Variants in AJAP1 observed in about 807,000 individuals in gnomAD.
AJAP1 encodes adherens junction-associated protein 1.
A neutral mutation model predicts 35.0 loss-of-function variants in AJAP1; 5 were observed. The ratio of observed to expected loss-of-function variants is 0.14; its 90% CI spans 0.07 to 0.30. The LOEUF is 0.30. Ranked by LOEUF, AJAP1 falls within the 10% of genes least tolerant of loss-of-function variation. AJAP1 has a pLI of 1.00. For missense variants in AJAP1, 586 were observed against 571.0 expected, an observed-to-expected ratio of 1.03 and a Z score of -0.27; for synonymous variants, 284 against 249.3, an observed-to-expected ratio of 1.14 and a Z score of -1.31.
chr1:4,773,525 T>G (rs917406955), intron 4 of AJAP1, among the ~76,000 whole-genome samples: 1 of 152,216 alleles, frequency 6.6e-6, no homozygotes, highest in Non-Finnish European at 1.5e-5. Flanking sequence ...CTGCCATCTG[T>G]GATATTCTCT....
rs1640483154 is a variant in AJAP1, at chr1:4,720,048, A to G, written c.829+7349A>G. Among the ~76,000 whole-genome samples the G allele has an allele frequency of 6.6e-6, 1 of 152,190 alleles. No homozygotes were observed. The highest frequency in any genetic ancestry group is 2.1e-4 in the South Asian group (1 of 4,830). On this transcript the variant is annotated intron_variant, in intron 2 of 5. Coordinates refer to ENST00000378191, the MANE Select transcript of AJAP1 (RefSeq NM_018836.4). This position sits in a 1 kb window ranked among gnomAD's most constrained non-coding sequence, Gnocchi z 4.4. ...CTGCATTGTGGATGTCTAGCTTAAAAGGCTGCCCTGTGAATCCTGCTGGTA... is the reference window on the plus strand; with the variant it reads ...CTGCATTGTGGATGTCTAGCTTAAAGGGCTGCCCTGTGAATCCTGCTGGTA...
intron 2 of AJAP1, among the ~76,000 whole-genome samples, chr1:4,743,282 C>G (rs1037626528): frequency 6.6e-6 from 1 of 152,112 alleles, no homozygotes; most frequent in African/African-American, 2.4e-5. Context: ...ACAGAGGTCA[C>G]AAAAGCAAAG....
At chr1:4,677,374 T>A (rs1371689705) in intron 1 of AJAP1, among the ~76,000 whole-genome samples, 1 of 152,144 alleles carries the variant, frequency 6.6e-6, no homozygotes, top group African/African-American at 2.4e-5. Flanking sequence ...ACATCCCTGA[T>A]TCCACGAATA....
intron 2 of AJAP1, among the ~76,000 whole-genome samples, chr1:4,726,535 G>A (rs1410089508): frequency 6.6e-6 from 1 of 152,130 alleles, no homozygotes; most frequent in Non-Finnish European, 1.5e-5. Flanking sequence ...CGGTTGTGGG[G>A]TCTGGGCCGG....
At chr1:4,701,835 C>T (rs1425072314) in intron 1 of AJAP1, among the ~76,000 whole-genome samples, 2 of 152,190 alleles carry the variant, frequency 1.3e-5, no homozygotes. Context: ...GGCTGTGATG[C>T]TGCGTAGATG....
chr1:4,758,417 G>A (rs936086343), intron 2 of AJAP1, among the ~76,000 whole-genome samples: 1 of 152,126 alleles, frequency 6.6e-6, no homozygotes, highest in Non-Finnish European at 1.5e-5. Flanking sequence ...TGCATGGCTG[G>A]GGTGGCCTCA....
intron 1 of AJAP1, among the ~76,000 whole-genome samples, chr1:4,695,238 T>C (rs1331941427): frequency 6.6e-6 from 1 of 151,966 alleles, no homozygotes; most frequent in Non-Finnish European, 1.5e-5. Flanking sequence ...TTTGGGACCA[T>C]GAGGAAAGGG....
intron 2 of AJAP1, among the ~76,000 whole-genome samples, chr1:4,758,896 A>G (rs1641500848): frequency 6.6e-6 from 1 of 152,148 alleles, no homozygotes; most frequent in East Asian, 1.9e-4. Context: ...CCCAGGACAG[A>G]GCGGATCACT....
rs1464093939 is a variant in AJAP1, at chr1:4,785,519, C to T, written c.*3034C>T. On this transcript the variant is annotated 3_prime_UTR_variant, in exon 6 of 6. Transcript: ENST00000378191. The stretch of plus-strand genomic sequence containing the variant: ...AGTGACTGGGCCTCGGAAATGCAGC[C>T]CCACCCACGGTGAAGTCTGCACCAG... 1 of 152,036 alleles carries T rather than the reference C, an allele frequency of 6.6e-6. No individual in the cohort carries two copies. The highest frequency in any genetic ancestry group is 1.5e-5 in the Non-Finnish European group (1 of 68,028). The allele number at this position is 152,036 out of a possible 1,614,324, so 9.4% of individuals were successfully genotyped here.
chr1:4,712,742 G>A, intron 2 of AJAP1, 43 bp downstream of exon 2: 15 of 1,488,746 alleles, frequency 1.0e-5, no homozygotes, highest in Non-Finnish European at 1.3e-5. Flanking sequence ...TTGGGGTTGA[G>A]GGCTGGGAGC....
chr1:4,743,987 T>C (rs1228903632), intron 2 of AJAP1, among the ~76,000 whole-genome samples: 2 of 152,130 alleles, frequency 1.3e-5, no homozygotes, highest in South Asian at 2.1e-4. Flanking sequence ...TGATGTGGTG[T>C]TTTTTATCTG....
chr1:4,777,078 G>T (rs1641955603), intron 5 of AJAP1, among the ~76,000 whole-genome samples: 2 of 152,194 alleles, frequency 1.3e-5, no homozygotes, highest in African/African-American at 4.8e-5. Flanking sequence ...CCACTCACTA[G>T]GATGAAAGCG....
intron 2 of AJAP1, among the ~76,000 whole-genome samples, chr1:4,763,470 C>T (rs1474879676): frequency 6.6e-6 from 1 of 152,202 alleles, no homozygotes; most frequent in East Asian, 1.9e-4. Flanking sequence ...GCCAGGCCAT[C>T]ACCCACTGTG....
rs183548868 is a variant in AJAP1, at chr1:4,714,317, G to A, written c.829+1618G>A. Among the ~76,000 whole-genome samples the A allele has an allele frequency of 6.5e-4, 99 of 152,292 alleles. 1 individual carries two copies. The highest frequency in any genetic ancestry group is 2.2e-3 in the African/African-American group (92 of 41,566). On this transcript the variant is annotated intron_variant, in intron 2 of 5. Transcript: ENST00000378191. ...TCTTTTGGGAATCCACGGACATGCG[G>A]GGTCTGCAGCTCATCCTGCACTGTC... is the stretch of plus-strand genomic sequence containing the variant.
chr1:4,666,207 G>T (rs1364727130), intron 1 of AJAP1, among the ~76,000 whole-genome samples: 1 of 150,264 alleles, frequency 6.7e-6, no homozygotes, highest in Admixed American at 6.6e-5. Context: ...GCCCACCCAG[G>T]AGGGGCACCC....
chr1:4,691,087 T>C (rs549261181), intron 1 of AJAP1, among the ~76,000 whole-genome samples: 33 of 152,180 alleles, frequency 2.2e-4, no homozygotes, highest in Non-Finnish European at 4.7e-4. Flanking sequence ...AAACACAGGC[T>C]GATGCACTGT....
At chr1:4,710,441 T>A (rs1282125364) in intron 1 of AJAP1, among the ~76,000 whole-genome samples, 1 of 142,844 alleles carries the variant, frequency 7.0e-6, no homozygotes, top group Admixed American at 7.0e-5. Flanking sequence ...ACGCACACAC[T>A]CACACCCAGT....
At chr1:4,667,899 T>C (rs952219223) in intron 1 of AJAP1, among the ~76,000 whole-genome samples, 1 of 152,092 alleles carries the variant, frequency 6.6e-6, no homozygotes, top group African/African-American at 2.4e-5. Context: ...TTTGGGGAAG[T>C]TGGATTCCTC....
Position 4,655,476 on chromosome 1 carries a change from G to T in AJAP1, c.29+22G>T. The T allele has an allele frequency of 6.4e-7, 1 of 1,563,256 alleles. No individual in the cohort carries two copies. Among genetic ancestry groups the T allele is most frequent in the Non-Finnish European group, 8.7e-7 (1 of 1,153,908 alleles). ...TCAGGTGAGCGACCCGGCCGGCGCC[G>T]GGTGCGTGTGGGCGCGTGGGTGCCA... On this transcript the variant is annotated intron_variant, in intron 1 of 5. Transcript: ENST00000378191. This position sits in a 1 kb window ranked among gnomAD's most constrained non-coding sequence, Gnocchi z 6.9.
Sources: allele counts gnomAD v4.1 joint callset (sites outside exome capture counted in the v4.1 genomes callset), GRCh38; gene constraint gnomAD v4.1.1; non-coding constraint Gnocchi (gnomAD v3.1); transcripts MANE v1.5; gene names NCBI Gene and HGNC (gene_info 2026-07-23, HGNC 2026-07-21).